The following DENND2C variants were observed in gnomAD, a reference collection of about 807,000 sequenced individuals.
The protein encoded by DENND2C is DENN domain-containing protein 2C.
DENND2C carries 72 observed loss-of-function variants against 112.4 expected under a neutral mutation model. The ratio of observed to expected loss-of-function variants is 0.64; its 90% CI spans 0.53 to 0.78. The LOEUF (loss-of-function observed/expected upper bound fraction) is 0.78. DENND2C is among the 30% of genes least tolerant of loss of function. The probability of loss-of-function intolerance (pLI) is 0.00; values close to 1 mark genes in which losing one functional copy is unlikely to be tolerated. For missense variants in DENND2C, 992 were observed against 1,113.8 expected (o/e 0.89, Z 1.56); for synonymous variants, 329 against 381.6 (o/e 0.86, Z 1.61).
chr1:114,591,088 T>C (rs1180256862), intron 18 of DENND2C, among the ~76,000 whole-genome samples: 1 of 152,040 alleles, frequency 6.6e-6, no homozygotes, highest in Non-Finnish European at 1.5e-5. Flanking sequence ...CACCCAAGCC[T>C]CCTGAGTAGT....
At chr1:114,669,382 C>T (rs1438611698) in intron 1 of DENND2C, among the ~76,000 whole-genome samples, 2 of 152,180 alleles carry the variant, frequency 1.3e-5, no homozygotes, top group African/African-American at 2.4e-5. Flanking sequence ...TGGCCCTAGA[C>T]TTGAGCCTTT....
chr1:114,610,961 T>C, intron 9 of DENND2C, 112 bp downstream of exon 9: 1 of 1,241,090 alleles, frequency 8.1e-7, no homozygotes. Context: ...GGAAATCATC[T>C]ACAAAATGGA....
intron 8 of DENND2C, among the ~76,000 whole-genome samples, chr1:114,611,947 A>T (rs1655832371): frequency 6.6e-6 from 1 of 152,226 alleles, no homozygotes; most frequent in Non-Finnish European, 1.5e-5. Flanking sequence ...CTTGTATCTA[A>T]TTTAAAAATC....
intron 2 of DENND2C, among the ~76,000 whole-genome samples, chr1:114,646,639 T>C (rs1656996065): frequency 6.6e-6 from 1 of 152,216 alleles, no homozygotes; most frequent in African/African-American, 2.4e-5. Flanking sequence ...GATCATTCCT[T>C]ATATAAAGTC....
chr1:114,600,090 A>C (rs527418069), intron 15 of DENND2C, 114 bp downstream of exon 15: 1 of 1,203,902 alleles, frequency 8.3e-7, no homozygotes, highest in East Asian at 2.6e-5. Context: ...CACGTTGTGC[A>C]CATGTACCCT....
chr1:114,594,427 C>T (rs1438010733), intron 18 of DENND2C, 46 bp downstream of exon 18: 25 of 1,477,470 alleles, frequency 1.7e-5, no homozygotes, highest in Non-Finnish European at 2.3e-5. Flanking sequence ...TAAATATTTA[C>T]TACCTTAACC....
chr1:114,654,081 TC>T (rs1029866801), intron 2 of DENND2C, among the ~76,000 whole-genome samples: 1 of 152,172 alleles, frequency 6.6e-6, no homozygotes, highest in African/African-American at 2.4e-5. Flanking sequence ...AATGATTATC[TC>T]TGGGTGATGT....
chr1:114,653,496 A>G (rs1657225274), intron 2 of DENND2C, among the ~76,000 whole-genome samples: 1 of 152,160 alleles, frequency 6.6e-6, no homozygotes, highest in South Asian at 2.1e-4. Context: ...CAAGATTTTT[A>G]TAAGATTGAA....
At chr1:114,623,189 G>A (rs1273023345) in intron 5 of DENND2C, 90 bp from the exon 6 acceptor site, 2 of 1,225,616 alleles carry the variant, frequency 1.6e-6, no homozygotes, top group African/African-American at 3.1e-5. Flanking sequence ...AGCTAACTAT[G>A]TTCAGCTTTC....
At chr1:114,594,608 C>T in intron 17 of DENND2C, 30 bp from the exon 18 acceptor site, 1 of 1,579,582 alleles carries the variant, frequency 6.3e-7, no homozygotes, top group Non-Finnish European at 8.7e-7. Flanking sequence ...GGAGATTTTT[C>T]TTTGTTTGAG....
chr1:114,618,793 G>A (rs2101661412), intron 7 of DENND2C, among the ~76,000 whole-genome samples: 1 of 152,324 alleles, frequency 6.6e-6, no homozygotes, highest in Non-Finnish European at 1.5e-5. Flanking sequence ...TTTGTATAGT[G>A]ATCAAGCCTT....
intron 3 of DENND2C, among the ~76,000 whole-genome samples, chr1:114,639,308 C>T (rs1454700990): frequency 2.0e-5 from 3 of 152,134 alleles, no homozygotes; most frequent in African/African-American, 4.8e-5. Flanking sequence ...TGGCCAGGCG[C>T]GGTGGCTCAT....
Position 114,585,386 on chromosome 1 carries a change from G to C in DENND2C, c.*214C>G. 4.2e-6 allele frequency: 2 copies of C among 478,482 alleles called. No individual in the cohort carries two copies. Among genetic ancestry groups the C allele is most frequent in the South Asian group, 9.2e-5 (2 of 21,676 alleles). 29.6% of individuals were successfully genotyped at this position (478,482 alleles called of 1,614,324 possible). A position where few individuals can be genotyped will look rare whatever the true frequency, so the allele number is the denominator to read the frequency against. ...CTGCTATAAAAAAAAAATGGAGACA[G>C]AGTAAAGATGGCATGGTGCCAGACC... On this transcript the variant is annotated 3_prime_UTR_variant, in exon 21 of 21. Transcript: ENST00000393274.
chr1:114,610,044 G>C (rs1341069552), intron 9 of DENND2C, among the ~76,000 whole-genome samples: 1 of 152,160 alleles, frequency 6.6e-6, no homozygotes, highest in Non-Finnish European at 1.5e-5. Flanking sequence ...CCAGTGGAGG[G>C]AGCACAAGAC....
chr1:114,625,092 T>C, intron 4 of DENND2C, 87 bp downstream of exon 4: 3 of 1,348,668 alleles, frequency 2.2e-6, no homozygotes, highest in Non-Finnish European at 3.0e-6. Context: ...AGCTGGGAAA[T>C]GGAAACTGGT....
At chr1:114,622,949 G>A (rs1363584747) in intron 6 of DENND2C, 38 bp downstream of exon 6, 1 of 1,481,002 alleles carries the variant, frequency 6.8e-7, no homozygotes, top group Admixed American at 1.8e-5. Context: ...CCATGAATAA[G>A]ATTCTAATGT....
intron 11 of DENND2C, among the ~76,000 whole-genome samples, chr1:114,604,659 C>CTTTTTTTTTT (rs35947354): frequency 6.9e-6 from 1 of 145,766 alleles, no homozygotes; most frequent in African/African-American, 2.5e-5. Flanking sequence ...TAAAATAGAA[C>CTTTTTTTTTT]TTTTTTTTTT....
intron 1 of DENND2C, among the ~76,000 whole-genome samples, chr1:114,665,787 A>AT (rs1657630633): frequency 6.6e-6 from 1 of 152,364 alleles, no homozygotes; most frequent in South Asian, 2.1e-4. Context: ...GCATAGATAA[A>AT]TAATTCCTTC....
At chr1:114,642,314 A>T (rs1570800827) in intron 3 of DENND2C, among the ~76,000 whole-genome samples, 2 of 152,308 alleles carry the variant, frequency 1.3e-5, no homozygotes, top group South Asian at 4.1e-4. Flanking sequence ...TATACTCCTT[A>T]ATATGACATA....
Sources: allele counts gnomAD v4.1 joint callset (sites outside exome capture counted in the v4.1 genomes callset), GRCh38; gene constraint gnomAD v4.1.1; transcripts MANE v1.5; gene names NCBI Gene and HGNC (gene_info 2026-07-23, HGNC 2026-07-21).